The following HMGA2 variants were observed in gnomAD, a reference collection of about 807,000 sequenced individuals.
HMGA2 encodes high mobility group AT-hook 2, also known as high mobility group protein HMGI-C.
A neutral mutation model predicts 19.1 loss-of-function variants in HMGA2; 8 were observed. The ratio of observed to expected loss-of-function variants is 0.42; its 90% CI spans 0.25 to 0.76. The LOEUF is 0.76. HMGA2 is among the 30% of genes least tolerant of loss of function. HMGA2 has a pLI of 0.28. For synonymous variants in HMGA2, 60 were observed against 48.8 expected (o/e 1.23, Z -0.96); for missense variants, 109 against 136.3 (o/e 0.80, Z 1.00).
chr12:65,862,362 A>G (rs150741399), intron 3 of HMGA2, among the ~76,000 whole-genome samples: 4 of 151,770 alleles, frequency 2.6e-5, no homozygotes, highest in Admixed American at 1.3e-4. Flanking sequence ...GTGTCCCACA[A>G]TCAGTACCAC....
intron 3 of HMGA2, among the ~76,000 whole-genome samples, chr12:65,946,745 G>A (rs1876280048): frequency 6.6e-6 from 1 of 152,090 alleles, no homozygotes; most frequent in Admixed American, 6.5e-5. Flanking sequence ...AGGTGGAATG[G>A]CAGACCATTT....
intron 3 of HMGA2, among the ~76,000 whole-genome samples, chr12:65,885,680 G>A (rs925188520): frequency 1.3e-5 from 2 of 152,164 alleles, no homozygotes; most frequent in African/African-American, 4.8e-5. Flanking sequence ...CACATGCCAC[G>A]TATCTCAAGC....
chr12:65,945,885 C>T (rs921015663), intron 3 of HMGA2, among the ~76,000 whole-genome samples: 1 of 152,122 alleles, frequency 6.6e-6, no homozygotes, highest in African/African-American at 2.4e-5. Context: ...TCTGTCAGTT[C>T]AGGCAGATAA....
rs1876829524 is a variant in HMGA2 at position 65,963,930 on chromosome 12, C to A, written c.*638C>A. On this transcript the variant is annotated 3_prime_UTR_variant, in exon 5 of 5. Transcript: ENST00000403681. Reference sequence around the variant, plus strand: ...TGTATCCTTTCATTCAGCTAACAAACTAGAAAAGGTTATGTTCATTTTTCA... The same window carrying A: ...TGTATCCTTTCATTCAGCTAACAAAATAGAAAAGGTTATGTTCATTTTTCA... The A allele has an allele frequency of 4.7e-6, 1 of 211,026 alleles. No homozygotes were observed. The highest frequency in any genetic ancestry group is 9.6e-6 in the Non-Finnish European group (1 of 104,020). 13.1% of individuals were successfully genotyped at this position (211,026 alleles called of 1,614,324 possible).
intron 3 of HMGA2, among the ~76,000 whole-genome samples, chr12:65,939,519 C>G (rs1876014418): frequency 6.6e-6 from 1 of 152,092 alleles, no homozygotes; most frequent in Non-Finnish European, 1.5e-5. Flanking sequence ...CCACACCTGG[C>G]TAATTTTTGT....
intron 3 of HMGA2, among the ~76,000 whole-genome samples, chr12:65,901,805 A>G (rs1356398867): frequency 6.6e-6 from 1 of 152,048 alleles, no homozygotes; most frequent in Admixed American, 6.6e-5. Flanking sequence ...ATCCCCCACA[A>G]TTTTCTGTTG....
chr12:65,851,815 T>C lies in HMGA2; in HGVS notation c.249+13246T>C, dbSNP rs1342218212. 4.6e-5 allele frequency among the ~76,000 whole-genome samples: 7 copies of C among 152,230 alleles called. No individual in the cohort carries two copies. In the East Asian group the frequency reaches 1.2e-3, roughly 25 times the overall value. ...GTTCTGAATGAGACTTCAAATGATA[T>C]GGTAGATGGAACACTACGTTCGTGA... is the stretch of plus-strand genomic sequence containing the variant. On this transcript the variant is annotated intron_variant, in intron 3 of 4. Transcript: ENST00000403681.
intron 3 of HMGA2, among the ~76,000 whole-genome samples, chr12:65,895,456 C>G (rs961451249): frequency 2.6e-5 from 4 of 152,110 alleles, no homozygotes; most frequent in African/African-American, 9.7e-5. Context: ...GGTTCTGATT[C>G]ATTCTCTATT....
intron 3 of HMGA2, among the ~76,000 whole-genome samples, chr12:65,899,973 G>A (rs1468491158): frequency 1.3e-5 from 2 of 152,182 alleles, no homozygotes; most frequent in Non-Finnish European, 2.9e-5. Context: ...AAAATCAAAA[G>A]AGGAGGGAAA....
At chr12:65,826,890 T>C (rs1009810543) in intron 1 of HMGA2, 2 of 152,110 alleles carry the variant, frequency 1.3e-5, no homozygotes, top group African/African-American at 4.8e-5. Flanking sequence ...TTGTCTCCGA[T>C]GTGTTTGCTC....
intron 3 of HMGA2, among the ~76,000 whole-genome samples, chr12:65,929,632 G>C (rs1875635863): frequency 6.6e-6 from 1 of 152,164 alleles, no homozygotes; most frequent in South Asian, 2.1e-4. Flanking sequence ...TCTATAAAGA[G>C]ATGTATATTT....
At chr12:65,906,911 C>T (rs549422341) in intron 3 of HMGA2, among the ~76,000 whole-genome samples, 1 of 152,126 alleles carries the variant, frequency 6.6e-6, no homozygotes, top group Middle Eastern at 3.2e-3. Context: ...GGAGGTTCAA[C>T]GTCAAATATA....
intron 3 of HMGA2, among the ~76,000 whole-genome samples, chr12:65,866,443 C>T (rs1872416316): frequency 6.6e-6 from 1 of 152,142 alleles, no homozygotes; most frequent in African/African-American, 2.4e-5. Context: ...GATAGCCTTG[C>T]AGCTGGTAGA....
intron 3 of HMGA2, among the ~76,000 whole-genome samples, chr12:65,903,919 G>A (rs370932956): frequency 3.9e-5 from 6 of 152,172 alleles, no homozygotes; most frequent in East Asian, 1.9e-4. Flanking sequence ...TCATGATAAC[G>A]GCCTAGAGCC....
At chr12:65,915,270 G>A (rs982363119) in intron 3 of HMGA2, 12 of 1,497,642 alleles carry the variant, frequency 8.0e-6, no homozygotes, top group African/African-American at 1.4e-5. Flanking sequence ...TCAAAACACT[G>A]GCTTATTCTT....
At chr12:65,919,703 C>T (rs1306015065) in intron 3 of HMGA2, among the ~76,000 whole-genome samples, 1 of 152,184 alleles carries the variant, frequency 6.6e-6, no homozygotes, top group Non-Finnish European at 1.5e-5. Flanking sequence ...TCTGTGAATC[C>T]ATCAATACCA....
rs1565697495 is a variant in HMGA2, at chr12:65,824,725, C to CTCTCTCTCTCTGTCTG, written c.-535_-534insGTCTGTCTCTCTCTCT. 6.8e-6 allele frequency: 1 copy of CTCTCTCTCTCTGTCTG among 146,990 alleles called. No homozygotes were observed. The highest frequency in any genetic ancestry group is 3.6e-5 in the African/African-American group (1 of 27,752). The allele number at this position is 146,990 out of a possible 1,614,324, so 9.1% of individuals were successfully genotyped here. On this transcript the variant is annotated 5_prime_UTR_variant, in exon 1 of 5. Coordinates refer to ENST00000403681, the MANE Select transcript of HMGA2 (RefSeq NM_003483.6). ...CAATCTCAATCTCTTCTCTCTCTCTCTCTCTCTCTCTCTCTCTCTCTCTCT... is the reference window on the plus strand; with the variant it reads ...CAATCTCAATCTCTTCTCTCTCTCTCTCTCTCTCTCTGTCTGTCTCTCTCTCTCTCTCTCTCTCTCT...
chr12:65,964,010 C>T lies in HMGA2; in HGVS notation c.*718C>T, dbSNP rs1876831959. ...AACTCTTCTATTTATGGATATCACA[C>T]ATATCAGCAGGAGTAATAAATTTAC... On this transcript the variant is annotated 3_prime_UTR_variant, in exon 5 of 5. Coordinates refer to ENST00000403681, the MANE Select transcript of HMGA2 (RefSeq NM_003483.6). 2 of 208,158 alleles carry T rather than the reference C, an allele frequency of 9.6e-6. No individual in the cohort carries two copies. The highest frequency in any genetic ancestry group is 2.3e-5 in the African/African-American group (1 of 43,950). The allele number at this position is 208,158 out of a possible 1,614,324, so 12.9% of individuals were successfully genotyped here.
At chr12:65,939,211 G>A (rs1436127043) in intron 3 of HMGA2, among the ~76,000 whole-genome samples, 1 of 152,126 alleles carries the variant, frequency 6.6e-6, no homozygotes. Context: ...TTTTCCATTG[G>A]TGTTATGCTC....
Sources: allele counts gnomAD v4.1 joint callset (sites outside exome capture counted in the v4.1 genomes callset), GRCh38; gene constraint gnomAD v4.1.1; transcripts MANE v1.5; gene names NCBI Gene and HGNC (gene_info 2026-07-23, HGNC 2026-07-21).